The following SMYD3 variants were observed in gnomAD, a reference collection of about 807,000 sequenced individuals.
SMYD3 encodes histone-lysine N-methyltransferase SMYD3.
A neutral mutation model predicts 57.7 loss-of-function variants in SMYD3; 36 were observed. The ratio of observed to expected loss-of-function variants is 0.62; its 90% CI spans 0.48 to 0.82. SMYD3 has a LOEUF of 0.82. Ranked by LOEUF, SMYD3 falls within the 40% of genes least tolerant of loss-of-function variation. SMYD3 has a pLI of 0.00. For synonymous variants in SMYD3, 211 were observed against 195.0 expected (o/e 1.08, Z -0.68); for missense variants, 515 against 538.8 (o/e 0.96, Z 0.44).
At chr1:246,383,569 T>C (rs2066424153) in intron 1 of SMYD3, among the ~76,000 whole-genome samples, 1 of 152,234 alleles carries the variant, frequency 6.6e-6, no homozygotes, top group South Asian at 2.1e-4. Flanking sequence ...TGAAGCCTCT[T>C]TGGTTTAAAA....
intron 5 of SMYD3, among the ~76,000 whole-genome samples, chr1:246,126,673 C>T (rs1443313501): frequency 6.6e-6 from 1 of 152,122 alleles, no homozygotes; most frequent in South Asian, 2.1e-4. Context: ...TACTTATTTA[C>T]TCCTTATTTC....
intron 5 of SMYD3, among the ~76,000 whole-genome samples, chr1:246,263,367 C>T (rs1215167923): frequency 6.7e-6 from 1 of 149,350 alleles, no homozygotes; most frequent in Non-Finnish European, 1.5e-5. Context: ...ATACCCAGGT[C>T]AGAGTTAGGG....
At chr1:246,118,751 T>C (rs2061378181) in intron 5 of SMYD3, among the ~76,000 whole-genome samples, 1 of 151,352 alleles carries the variant, frequency 6.6e-6, no homozygotes, top group East Asian at 1.9e-4. Flanking sequence ...AAATGTGTGC[T>C]AAAGAGAAGT....
At chr1:245,888,831 C>T (rs545436389) in intron 8 of SMYD3, among the ~76,000 whole-genome samples, 5 of 152,290 alleles carry the variant, frequency 3.3e-5, no homozygotes, top group Admixed American at 1.3e-4. Context: ...TGTTCTACAT[C>T]AACCATGTCT....
intron 1 of SMYD3, among the ~76,000 whole-genome samples, chr1:246,471,892 G>C (rs1448170362): frequency 6.6e-6 from 1 of 152,140 alleles, no homozygotes; most frequent in Admixed American, 6.5e-5. Flanking sequence ...AAGCTAATTA[G>C]CAGGAAGCAC....
At chr1:245,984,855 G>A (rs1045328065) in intron 5 of SMYD3, among the ~76,000 whole-genome samples, 4 of 151,980 alleles carry the variant, frequency 2.6e-5, no homozygotes, top group African/African-American at 7.3e-5. Context: ...CTTTCCTTCT[G>A]TACACATGTA....
chr1:246,375,686 G>A (rs529452413), intron 1 of SMYD3, among the ~76,000 whole-genome samples: 2 of 152,142 alleles, frequency 1.3e-5, no homozygotes, highest in Admixed American at 6.5e-5. Context: ...TCAAAAGATC[G>A]GCAATAATGT....
At chr1:245,835,352 T>C (rs2050055862) in intron 10 of SMYD3, among the ~76,000 whole-genome samples, 1 of 152,110 alleles carries the variant, frequency 6.6e-6, no homozygotes, top group South Asian at 2.1e-4. Flanking sequence ...TCTCTTGACC[T>C]CGTGATCTGC....
At chr1:246,290,688 C>T (rs1340964739) in intron 5 of SMYD3, among the ~76,000 whole-genome samples, 1 of 152,170 alleles carries the variant, frequency 6.6e-6, no homozygotes, top group Non-Finnish European at 1.5e-5. Flanking sequence ...ACCTCAGCCT[C>T]TCACAATGAA....
rs533347913 is a variant in SMYD3, at chr1:246,420,490, G to A, written c.165-65396C>T. Among the ~76,000 whole-genome samples the A allele has an allele frequency of 1.3e-5, 2 of 152,294 alleles. 1 individual carries two copies. Among genetic ancestry groups the A allele is most frequent in the African/African-American group, 4.8e-5 (2 of 41,564 alleles). ...CTGAAATCATCATCATCCAAGGTTC[G>A]TTTGTAAATAATTTAACAGTTTGGA... On this transcript the variant is annotated intron_variant, in intron 1 of 11. Coordinates refer to ENST00000490107, the MANE Select transcript of SMYD3 (RefSeq NM_001167740.2).
chr1:245,981,254 C>A (rs949912176), intron 5 of SMYD3, among the ~76,000 whole-genome samples: 5 of 152,218 alleles, frequency 3.3e-5, no homozygotes, highest in South Asian at 2.1e-4. Context: ...TAAGGGGATG[C>A]CTGCTGGGCT....
intron 5 of SMYD3, among the ~76,000 whole-genome samples, chr1:246,258,457 AT>A (rs767263665): frequency 5.9e-5 from 9 of 152,118 alleles, no homozygotes; most frequent in Non-Finnish European, 1.3e-4. Flanking sequence ...AAAAAATTTT[AT>A]TTCTTCTTCA....
Position 246,406,633 on chromosome 1 carries a change from T to C in SMYD3, c.165-51539A>G, listed in dbSNP as rs141456613. Among the ~76,000 whole-genome samples the C allele has an allele frequency of 2.2e-3, 333 of 152,366 alleles. 3 individuals are homozygous for C. The highest frequency in any genetic ancestry group is 7.7e-3 in the African/African-American group (320 of 41,594). The stretch of plus-strand genomic sequence containing the variant: ...AAGCACATGACATGTACCAGCTTAA[T>C]AAATTCTCACAACAATCCTACAAGG... On this transcript the variant is annotated intron_variant, in intron 1 of 11. Coordinates refer to ENST00000490107, the MANE Select transcript of SMYD3 (RefSeq NM_001167740.2).
At chr1:246,098,842 G>C (rs1376736540) in intron 5 of SMYD3, among the ~76,000 whole-genome samples, 1 of 152,068 alleles carries the variant, frequency 6.6e-6, no homozygotes, top group African/African-American at 2.4e-5. Context: ...ACACACATTT[G>C]TAATCCTTTC....
At chr1:246,294,650 G>A (rs1046826795) in intron 5 of SMYD3, among the ~76,000 whole-genome samples, 21 of 151,684 alleles carry the variant, frequency 1.4e-4, no homozygotes, top group African/African-American at 5.1e-4. Flanking sequence ...CCATGTTGGC[G>A]TGCAGTGGTG....
chr1:245,935,602 A>G (rs1263802829), intron 5 of SMYD3, among the ~76,000 whole-genome samples: 1 of 152,216 alleles, frequency 6.6e-6, no homozygotes, highest in African/African-American at 2.4e-5. Flanking sequence ...GCACTGCAGC[A>G]TTTTTCACAT....
intron 5 of SMYD3, among the ~76,000 whole-genome samples, chr1:246,248,635 C>CTTTTTTTTTTTTT (rs1558348050): frequency 4.4e-5 from 3 of 68,334 alleles, no homozygotes; most frequent in African/African-American, 1.9e-4. Flanking sequence ...CTCTGACTTT[C>CTTTTTTTTTTTTT]CTTTTTTTTT....
chr1:245,857,718 T>C (rs1007845207), intron 10 of SMYD3, among the ~76,000 whole-genome samples: 28 of 152,290 alleles, frequency 1.8e-4, no homozygotes, highest in Middle Eastern at 6.8e-3. Flanking sequence ...ATGGTCCACA[T>C]GTCTCCGTGC....
chr1:245,773,666 T>G (rs1338019116), intron 10 of SMYD3, among the ~76,000 whole-genome samples: 1 of 152,230 alleles, frequency 6.6e-6, no homozygotes, highest in East Asian at 1.9e-4. Context: ...AGCACTATTT[T>G]TTTAGAGTGT....
Sources: allele counts gnomAD v4.1 joint callset (sites outside exome capture counted in the v4.1 genomes callset), GRCh38; gene constraint gnomAD v4.1.1; transcripts MANE v1.5; gene names NCBI Gene and HGNC (gene_info 2026-07-23, HGNC 2026-07-21).